TUFT1: variants seen among roughly 807,000 people sequenced by gnomAD.
TUFT1 encodes the protein tuftelin.
Under a neutral mutation model 57.8 loss-of-function variants are expected in TUFT1, and 43 were observed. The observed-to-expected ratio is 0.74, with a 90% CI of 0.58 to 0.96. The LOEUF is 0.96. Ranked by LOEUF, TUFT1 falls within the 40% of genes least tolerant of loss-of-function variation. The pLI, the probability that TUFT1 is intolerant of heterozygous loss-of-function variation, is 0.00. For missense variants in TUFT1, 459 were observed against 489.0 expected (o/e 0.94, Z 0.58); for synonymous variants, 166 against 176.7 (o/e 0.94, Z 0.48).
intron 1 of TUFT1, among the ~76,000 whole-genome samples, chr1:151,549,133 T>C (rs373591854): frequency 6.6e-6 from 1 of 152,216 alleles, no homozygotes; most frequent in African/African-American, 2.4e-5. Context: ...GCTTACCTTG[T>C]GATTAGTACT....
At chr1:151,581,361 T>C (rs955651178) in intron 12 of TUFT1, among the ~76,000 whole-genome samples, 3 of 152,206 alleles carry the variant, frequency 2.0e-5, no homozygotes, top group African/African-American at 7.2e-5. Flanking sequence ...AAAGGACCCA[T>C]GATCTTGACA....
intron 1 of TUFT1, chr1:151,561,543 T>G (rs1464180321): frequency 1.1e-5 from 11 of 984,854 alleles, no homozygotes; most frequent in African/African-American, 1.7e-5. Flanking sequence ...CTTCATTCTT[T>G]GAAATTAGGT....
At chr1:151,541,435 G>C (rs958042243) in intron 1 of TUFT1, among the ~76,000 whole-genome samples, 1 of 152,126 alleles carries the variant, frequency 6.6e-6, no homozygotes, top group Non-Finnish European at 1.5e-5. Context: ...GATTAGGTGT[G>C]TACTATTTCA....
chr1:151,578,976 G>A, intron 10 of TUFT1, 150 bp downstream of exon 10: 1 of 616,666 alleles, frequency 1.6e-6, no homozygotes, highest in Non-Finnish European at 2.7e-6. Context: ...ATTAGGATTT[G>A]CTTTTCTCCC....
intron 1 of TUFT1, among the ~76,000 whole-genome samples, chr1:151,558,508 G>T (rs1025397993): frequency 1.3e-4 from 19 of 151,834 alleles, no homozygotes; most frequent in African/African-American, 4.4e-4. Context: ...TGTGTCTTTT[G>T]CCAAATTTTG....
chr1:151,572,091 C>G (rs1345559719), intron 7 of TUFT1, among the ~76,000 whole-genome samples: 2 of 152,154 alleles, frequency 1.3e-5, no homozygotes, highest in Middle Eastern at 6.3e-3. Flanking sequence ...GTTCCAGCTA[C>G]TTGGAAGGCT....
intron 7 of TUFT1, chr1:151,569,976 A>C: frequency 1.9e-6 from 1 of 519,758 alleles, no homozygotes; most frequent in Non-Finnish European, 3.5e-6. Context: ...CCATAGTTCA[A>C]AGGTCAGCTC....
intron 6 of TUFT1, among the ~76,000 whole-genome samples, chr1:151,567,273 G>A (rs1033870092): frequency 1.3e-5 from 2 of 152,054 alleles, no homozygotes; most frequent in African/African-American, 4.8e-5. Context: ...GAGTGCAGTG[G>A]TGCAGTCATG....
intron 5 of TUFT1, chr1:151,565,897 A>G (rs906635124): frequency 1.1e-5 from 4 of 355,804 alleles, no homozygotes; most frequent in Middle Eastern, 8.6e-4. Context: ...GCCGCATAAC[A>G]TCTCTCCACC....
chr1:151,574,758 G>A (rs1335004444), intron 8 of TUFT1, among the ~76,000 whole-genome samples, 153 bp from the exon 9 acceptor site: 1 of 152,188 alleles, frequency 6.6e-6, no homozygotes, highest in Non-Finnish European at 1.5e-5. Flanking sequence ...CCTCATCAAG[G>A]GATGGCTCCC....
rs533325569 is a variant in TUFT1 at position 151,549,957 on chromosome 1, G to A, written c.60+9531G>A. Among the ~76,000 whole-genome samples, 3 of 152,282 alleles carry A rather than the reference G, an allele frequency of 2.0e-5. No individual in the cohort carries two copies. In the East Asian group the frequency reaches 5.8e-4, roughly 29 times the overall value. ...GGCTGGTCTCAAACTCCTGGACTCA[G>A]GTGATCTGCCCTCCTGGGCCTCCCA... On this transcript the variant is annotated intron_variant, in intron 1 of 12. Transcript: ENST00000368849.
At chr1:151,545,910 C>G in intron 1 of TUFT1, 1 of 527,542 alleles carries the variant, frequency 1.9e-6, no homozygotes, top group Non-Finnish European at 3.9e-6. Flanking sequence ...CTTTTTTAGA[C>G]CTCATGACCA....
In TUFT1 at chr1:151,574,349, A is replaced by G; in HGVS notation, c.674A>G (p.Lys225Arg). ...AGAGAGGAGGACAGAGTGGAGCAGA[A>G]AGAGGCAGAAGTCGGAGAGCTGCAG... is the stretch of plus-strand genomic sequence containing the variant. ...LQREEDRVEQ[K>R]EAEVGELQRR... The change falls in exon 8 of 13, where the codon AAA becomes AGA. Residue 225 changes from lysine to arginine, a missense_variant. By Grantham distance (26) the Lys-to-Arg change is conservative (BLOSUM62 2). Coordinates refer to ENST00000368849, the MANE Select transcript of TUFT1 (RefSeq NM_020127.3). 3 of 1,614,178 alleles carry G rather than the reference A, an allele frequency of 1.9e-6. No homozygotes were observed. Among genetic ancestry groups the G allele is most frequent in the East Asian group, 4.5e-5 (2 of 44,888 alleles).
At chr1:151,579,814 GGTCTTT>G in intron 11 of TUFT1, 82 bp downstream of exon 11, 1 of 1,361,442 alleles carries the variant, frequency 7.3e-7, no homozygotes. Context: ...TTATGGGAGG[GGTCTTT>G]GTCATGTCTT....
chr1:151,557,561 T>G (rs891141842), intron 1 of TUFT1: 1 of 1,141,722 alleles, frequency 8.8e-7, no homozygotes, highest in Non-Finnish European at 1.3e-6. Context: ...GACAAGGATG[T>G]GCCCAATCTT....
intron 1 of TUFT1, among the ~76,000 whole-genome samples, chr1:151,549,253 G>T (rs1355422812): frequency 6.6e-6 from 1 of 152,166 alleles, no homozygotes; most frequent in East Asian, 1.9e-4. Context: ...GCTCCCTGGA[G>T]CCTGCTCATA....
chr1:151,545,259 G>A (rs752943195), intron 1 of TUFT1, among the ~76,000 whole-genome samples: 14 of 151,836 alleles, frequency 9.2e-5, no homozygotes, highest in Non-Finnish European at 2.1e-4. Context: ...GCAGTGAGCC[G>A]AGATCACGCC....
In TUFT1 at chr1:151,566,177, G is replaced by T; in HGVS notation, c.429G>T (p.Lys143Asn). Residue 143 changes from lysine to asparagine, a missense_variant, in exon 6 of 13, where the codon AAG becomes AAT. Lys to Asn is a moderately conservative substitution (Grantham distance 94). Coordinates refer to ENST00000368849, the MANE Select transcript of TUFT1 (RefSeq NM_020127.3). ...HRQEIQVVLEKPNGFSQSPTA... is the reference protein window; with the variant it reads ...HRQEIQVVLENPNGFSQSPTA... ...TCTTTGAACAGGTGGTGCTAGAAAA[G>T]CCAAATGGCTTTAGTCAGAGTCCCA... is the stretch of plus-strand genomic sequence containing the variant. 6.2e-7 allele frequency: 1 copy of T among 1,610,534 alleles called. No homozygotes were observed.
intron 1 of TUFT1, among the ~76,000 whole-genome samples, chr1:151,544,139 G>GT: frequency 6.6e-6 from 1 of 151,590 alleles, no homozygotes; most frequent in South Asian, 2.1e-4. Flanking sequence ...TACTCAACAT[G>GT]TTTAGCTAAT....
Sources: gnomAD v4.1 joint callset for allele counts (sites outside exome capture counted in the v4.1 genomes callset) on GRCh38, gnomAD v4.1.1 for gene constraint, MANE v1.5 for transcripts, NCBI Gene and HGNC (gene_info 2026-07-23, HGNC 2026-07-21) for gene names.